Variants in STEAP1B observed in about 807,000 individuals in gnomAD.
STEAP1B encodes the protein STEAP family member 1B, also known as STEAP family protein MGC87042.
STEAP1B carries 13 observed loss-of-function variants against 27.9 expected under a neutral mutation model. The observed-to-expected ratio is 0.47, with a 90% CI of 0.30 to 0.74. The LOEUF is 0.74. Among genes scored for constraint, STEAP1B ranks in the 30% least tolerant of loss-of-function variants. The probability of loss-of-function intolerance (pLI) is 0.06; values close to 1 mark genes in which losing one functional copy is unlikely to be tolerated. For synonymous variants in STEAP1B, 86 were observed against 107.1 expected, an observed-to-expected ratio of 0.80 and a Z score of 1.22; for missense variants, 250 against 298.7, an observed-to-expected ratio of 0.84 and a Z score of 1.20.
At chr7:22,419,942 C>T in intron 4 of STEAP1B, 106 bp from the exon 5 acceptor site, 1 of 1,333,164 alleles carries the variant, frequency 7.5e-7, no homozygotes, top group Non-Finnish European at 1.0e-6. Flanking sequence ...TGCAAGTATA[C>T]ACGCTTTTCT....
At chr7:22,459,693 T>C (rs1013849635) in intron 4 of STEAP1B, among the ~76,000 whole-genome samples, 2 of 152,226 alleles carry the variant, frequency 1.3e-5, no homozygotes, top group Non-Finnish European at 2.9e-5. Flanking sequence ...TGGGCCATTA[T>C]CCTGCTAGGA....
At chr7:22,498,589 G>C (rs1309002531) in intron 1 of STEAP1B, among the ~76,000 whole-genome samples, 1 of 152,100 alleles carries the variant, frequency 6.6e-6, no homozygotes, top group Non-Finnish European at 1.5e-5. Context: ...GGAATGCAAA[G>C]TTAAATGAGA....
intron 4 of STEAP1B, among the ~76,000 whole-genome samples, chr7:22,476,477 A>G (rs1785974593): frequency 6.6e-6 from 1 of 152,126 alleles, no homozygotes; most frequent in African/African-American, 2.4e-5. Context: ...TTCACTTAAC[A>G]TCTTCCCCAT....
chr7:22,449,208 T>C (rs972789495), intron 4 of STEAP1B, among the ~76,000 whole-genome samples: 1 of 152,230 alleles, frequency 6.6e-6, no homozygotes, highest in Middle Eastern at 3.2e-3. Context: ...GTCACCCTGT[T>C]GTATTATCAA....
chr7:22,498,308 T>A (rs1786476756), intron 1 of STEAP1B, among the ~76,000 whole-genome samples: 2 of 151,682 alleles, frequency 1.3e-5, no homozygotes, highest in African/African-American at 4.9e-5. Flanking sequence ...AGACCCCAGC[T>A]CCCGCACTGG....
intron 4 of STEAP1B, among the ~76,000 whole-genome samples, chr7:22,440,491 T>C (rs900104875): frequency 6.6e-6 from 1 of 152,134 alleles, no homozygotes; most frequent in Admixed American, 6.6e-5. Flanking sequence ...TGTAAAGTTA[T>C]TCAGGCTGAA....
At chr7:22,450,824 T>C (rs1043090545) in intron 4 of STEAP1B, among the ~76,000 whole-genome samples, 1 of 152,198 alleles carries the variant, frequency 6.6e-6, no homozygotes, top group Non-Finnish European at 1.5e-5. Flanking sequence ...TCAATTTCTT[T>C]CATCAGTGTT....
At chr7:22,487,172 G>A (rs1786224467) in intron 4 of STEAP1B, among the ~76,000 whole-genome samples, 1 of 152,214 alleles carries the variant, frequency 6.6e-6, no homozygotes, top group Non-Finnish European at 1.5e-5. Context: ...AGTGGCTCAT[G>A]CCTGAAATCC....
intron 4 of STEAP1B, among the ~76,000 whole-genome samples, chr7:22,480,873 C>G (rs897181015): frequency 6.6e-6 from 1 of 152,232 alleles, no homozygotes; most frequent in Non-Finnish European, 1.5e-5. Context: ...ACTCAAGAAA[C>G]AGAAGCCTGG....
At chr7:22,453,765 A>C (rs1358025823) in intron 4 of STEAP1B, among the ~76,000 whole-genome samples, 1 of 152,248 alleles carries the variant, frequency 6.6e-6, no homozygotes, top group Non-Finnish European at 1.5e-5. Context: ...TAGAGTTGTT[A>C]TATCTCTTCT....
At chr7:22,471,271 CT>C (rs1562578869) in intron 4 of STEAP1B, among the ~76,000 whole-genome samples, 1 of 152,164 alleles carries the variant, frequency 6.6e-6, no homozygotes. Context: ...TTCTAGAATT[CT>C]GAGGAAAGTG....
intron 4 of STEAP1B, among the ~76,000 whole-genome samples, chr7:22,477,688 G>A (rs1785995435): frequency 6.6e-6 from 1 of 151,300 alleles, no homozygotes; most frequent in African/African-American, 2.4e-5. Context: ...CCTCATATGT[G>A]TGCAAAATTT....
chr7:22,495,307 G>A (rs1435271472), intron 1 of STEAP1B: 1 of 152,382 alleles, frequency 6.6e-6, no homozygotes, highest in African/African-American at 2.4e-5. Context: ...TAAGATTTAT[G>A]TTTAACAGAA....
At chr7:22,461,622 G>A (rs893811889) in intron 4 of STEAP1B, among the ~76,000 whole-genome samples, 1 of 152,172 alleles carries the variant, frequency 6.6e-6, no homozygotes, top group African/African-American at 2.4e-5. Context: ...CCCCAAAGCA[G>A]TTACAGGTCA....
At chr7:22,486,873 C>A (rs1325432734) in intron 4 of STEAP1B, among the ~76,000 whole-genome samples, 1 of 152,142 alleles carries the variant, frequency 6.6e-6, no homozygotes, top group African/African-American at 2.4e-5. Context: ...ACATCCCACA[C>A]TCTCGGACTC....
chr7:22,432,373 TAATAAATAAATAAATA>T (rs147989425), intron 4 of STEAP1B, among the ~76,000 whole-genome samples: 137 of 137,598 alleles, frequency 1.0e-3, no homozygotes, highest in African/African-American at 1.9e-3. Flanking sequence ...ACCCTATACC[TAATAAATAAATAAATA>T]AATAAATAAA....
At chr7:22,456,952 CTATATATA>C (rs199847360) in intron 4 of STEAP1B, among the ~76,000 whole-genome samples, 7 of 73,280 alleles carry the variant, frequency 9.6e-5, no homozygotes, top group Non-Finnish European at 1.3e-4. Context: ...GGATAGGCAG[CTATATATA>C]TATATATATA....
rs1786355329 is a variant in STEAP1B at position 22,492,862 on chromosome 7, C to A, written c.598-133G>T. 6.3e-6 allele frequency: 8 copies of A among 1,267,806 alleles called. No individual in the cohort carries two copies. The East Asian group carries it at 2.4e-4, about 39-fold the overall frequency. 78.5% of individuals were successfully genotyped at this position (1,267,806 alleles called of 1,614,324 possible). A position where few individuals can be genotyped will look rare whatever the true frequency, so the allele number is the denominator to read the frequency against. On this transcript the variant is annotated intron_variant, in intron 3 of 4. Transcript: ENST00000678116. ...GGTCTCCACAAATTTATGACTTTTTCTTTTTTTTTTGCATTCCTCTAAGAC... is the reference window on the plus strand; with the variant it reads ...GGTCTCCACAAATTTATGACTTTTTATTTTTTTTTTGCATTCCTCTAAGAC...
chr7:22,467,667 ACTC>A lies in STEAP1B; in HGVS notation c.762+24895_762+24897del, dbSNP rs2128409801. Among the ~76,000 whole-genome samples the A allele has an allele frequency of 1.3e-5, 2 of 151,724 alleles. 1 individual carries two copies. The highest frequency in any genetic ancestry group is 4.2e-4 in the South Asian group (2 of 4,768). ...GGGAAACCCCTTTTGCTTGGATCTC[ACTC>A]TTCTCTTGTCTGCTGCCATGTGAGA... On this transcript the variant is annotated intron_variant, in intron 4 of 4. Coordinates refer to ENST00000678116, the MANE Select transcript of STEAP1B (RefSeq NM_001382447.1).
Sources: allele counts gnomAD v4.1 joint callset (sites outside exome capture counted in the v4.1 genomes callset), GRCh38; gene constraint gnomAD v4.1.1; transcripts MANE v1.5; gene names NCBI Gene and HGNC (gene_info 2026-07-23, HGNC 2026-07-21).